Variants in FAM167A observed in about 807,000 individuals in gnomAD.
The protein encoded by FAM167A is family with sequence similarity 167 member A.
FAM167A carries 23 observed loss-of-function variants against 14.9 expected under a neutral mutation model. The ratio of observed to expected loss-of-function variants is 1.55; its 90% CI spans 1.11 to 2.19. The LOEUF (loss-of-function observed/expected upper bound fraction) is 2.19, where lower values mean the gene tolerates loss of function less well. Among genes scored for constraint, FAM167A ranks in the 30% most tolerant of loss-of-function variants. The pLI is 0.00. For synonymous variants in FAM167A, 174 were observed against 117.7 expected, an observed-to-expected ratio of 1.48 and a Z score of -3.10; for missense variants, 401 against 281.5, an observed-to-expected ratio of 1.42 and a Z score of -3.04.
intron 1 of FAM167A, among the ~76,000 whole-genome samples, chr8:11,461,790 A>G (rs1807549787): frequency 6.6e-6 from 1 of 152,234 alleles, no homozygotes; most frequent in Non-Finnish European, 1.5e-5. Flanking sequence ...TGTCCAGATG[A>G]TCTGATTTCT....
chr8:11,447,461 G>C (rs927566980), intron 1 of FAM167A, among the ~76,000 whole-genome samples: 2 of 152,224 alleles, frequency 1.3e-5, no homozygotes, highest in Non-Finnish European at 2.9e-5. Context: ...CTGGTGGCAC[G>C]GGCATTAGCC....
intron 1 of FAM167A, among the ~76,000 whole-genome samples, chr8:11,447,309 G>A (rs1806827855): frequency 6.6e-6 from 1 of 152,074 alleles, no homozygotes; most frequent in Non-Finnish European, 1.5e-5. Context: ...AGCCTCCCGA[G>A]TAGCTGGGGT....
At chr8:11,436,578 C>A (rs936228818) in intron 2 of FAM167A, among the ~76,000 whole-genome samples, 3 of 152,212 alleles carry the variant, frequency 2.0e-5, no homozygotes, top group African/African-American at 7.2e-5. Flanking sequence ...CTCCCCTGCA[C>A]GGCCTTCTCA....
intron 2 of FAM167A, among the ~76,000 whole-genome samples, chr8:11,437,127 G>T (rs528768273): frequency 1.1e-4 from 16 of 152,308 alleles, no homozygotes; most frequent in African/African-American, 3.4e-4. Context: ...GCTGCCAGGG[G>T]CCTCACAGTT....
intron 2 of FAM167A, chr8:11,438,309 C>T: frequency 2.5e-6 from 1 of 405,764 alleles, no homozygotes. Context: ...TTGGGGTCAG[C>T]TGCAGCTCCC....
At chr8:11,459,835 C>G (rs953488428) in intron 1 of FAM167A, among the ~76,000 whole-genome samples, 1 of 152,236 alleles carries the variant, frequency 6.6e-6, no homozygotes, top group Non-Finnish European at 1.5e-5. Flanking sequence ...CCTGCCTCAG[C>G]CTCCTGAGTA....
Position 11,456,414 on chromosome 8 carries a change from G to A in FAM167A, c.-398+10212C>T, listed in dbSNP as rs542396626. Reference sequence around the variant, plus strand: ...GTGTGTGTGAGTGTGGGGGGTGGTTGCCTTGCTGGGTGTATGAGTGTGTGA... The same window carrying A: ...GTGTGTGTGAGTGTGGGGGGTGGTTACCTTGCTGGGTGTATGAGTGTGTGA... On this transcript the variant is annotated intron_variant, in intron 1 of 2. Coordinates refer to ENST00000284486, the MANE Select transcript of FAM167A (RefSeq NM_053279.3). 1.1e-3 allele frequency among the ~76,000 whole-genome samples: 169 copies of A among 149,484 alleles called. 2 individuals carry two copies. The highest frequency in any genetic ancestry group is 4.0e-3 in the African/African-American group (162 of 40,562).
chr8:11,438,781 C>T (rs375608753), intron 2 of FAM167A: 5 of 336,012 alleles, frequency 1.5e-5, no homozygotes, highest in South Asian at 7.2e-5. Context: ...CTGAAAGCAC[C>T]GGGCTATGCA....
chr8:11,459,530 A>G (rs1005419869), intron 1 of FAM167A, among the ~76,000 whole-genome samples: 4 of 152,228 alleles, frequency 2.6e-5, no homozygotes, highest in Admixed American at 1.3e-4. Flanking sequence ...AGTGCCAAGC[A>G]CGTGGGTGCT....
intron 2 of FAM167A, chr8:11,433,811 C>T (rs536754509): frequency 5.3e-5 from 8 of 152,292 alleles, no homozygotes; most frequent in Admixed American, 1.3e-4. Context: ...GTGTGCAGGC[C>T]CAGAACATGT....
At chr8:11,466,446 G>T (rs1176489668) in intron 1 of FAM167A, among the ~76,000 whole-genome samples, 180 bp downstream of exon 1, 2 of 146,804 alleles carry the variant, frequency 1.4e-5, no homozygotes, top group Non-Finnish European at 1.5e-5. Context: ...GCGCATGAGC[G>T]GCCTCTCCCG....
At chr8:11,474,344 A>C (rs1423889746) in intron 1 of FAM167A, among the ~76,000 whole-genome samples, 2 of 152,240 alleles carry the variant, frequency 1.3e-5, no homozygotes, top group African/African-American at 4.8e-5. Flanking sequence ...TTCCCAGAGC[A>C]TGAGGTAGCC....
intron 1 of FAM167A, among the ~76,000 whole-genome samples, chr8:11,450,517 A>G (rs1806980505): frequency 6.6e-6 from 1 of 152,240 alleles, no homozygotes; most frequent in African/African-American, 2.4e-5. Context: ...TCTGCAGTCT[A>G]GCTCTGAGCT....
intron 1 of FAM167A, among the ~76,000 whole-genome samples, chr8:11,445,916 A>G (rs971592348): frequency 6.6e-6 from 1 of 152,106 alleles, no homozygotes; most frequent in African/African-American, 2.4e-5. Context: ...GAAGAAAAGC[A>G]AGATTCTCAG....
intron 1 of FAM167A, among the ~76,000 whole-genome samples, chr8:11,473,739 G>T (rs1797784886): frequency 6.6e-6 from 1 of 152,186 alleles, no homozygotes; most frequent in South Asian, 2.1e-4. Flanking sequence ...CACATTGGCA[G>T]TACCAAGAGC....
At chr8:11,471,273 G>A (rs1484256679), upstream of FAM167A, among the ~76,000 whole-genome samples, 1 of 152,216 alleles carries the variant, frequency 6.6e-6, no homozygotes, top group East Asian at 1.9e-4. Context: ...CCGAGGTGAG[G>A]AGTGGCGGGC....
At chr8:11,470,973 G>C (rs1282156150), upstream of FAM167A, among the ~76,000 whole-genome samples, 1 of 152,216 alleles carries the variant, frequency 6.6e-6, no homozygotes, top group Non-Finnish European at 1.5e-5. Flanking sequence ...CTGTCTTCTA[G>C]GGAACCTGTT....
chr8:11,445,071 C>T, intron 1 of FAM167A: 2 of 951,284 alleles, frequency 2.1e-6, no homozygotes, highest in Non-Finnish European at 2.5e-6. Flanking sequence ...ATGCCCCCAG[C>T]AAGTCTGCAG....
At chr8:11,447,295 C>T (rs1806827344) in intron 1 of FAM167A, among the ~76,000 whole-genome samples, 1 of 151,892 alleles carries the variant, frequency 6.6e-6, no homozygotes, top group African/African-American at 2.4e-5. Flanking sequence ...GATTCTCCTG[C>T]CTCAGCCTCC....
Sources: allele counts gnomAD v4.1 joint callset (sites outside exome capture counted in the v4.1 genomes callset), GRCh38; gene constraint gnomAD v4.1.1; transcripts MANE v1.5; gene names NCBI Gene and HGNC (gene_info 2026-07-23, HGNC 2026-07-21).